EFCAB5: variants seen among roughly 807,000 people sequenced by gnomAD.
EFCAB5 encodes EF-hand calcium binding domain 5.
A neutral mutation model predicts 167.9 loss-of-function variants in EFCAB5; 131 were observed. The ratio of observed to expected loss-of-function variants is 0.78; its 90% CI spans 0.68 to 0.90. EFCAB5 has a LOEUF of 0.90. Ranked by LOEUF, EFCAB5 falls within the 40% of genes least tolerant of loss-of-function variation. The probability of loss-of-function intolerance (pLI) is 0.00; values close to 1 mark genes in which losing one functional copy is unlikely to be tolerated. For synonymous variants in EFCAB5, 574 were observed against 602.8 expected, an observed-to-expected ratio of 0.95 and a Z score of 0.70; for missense variants, 1,663 against 1,745.2, an observed-to-expected ratio of 0.95 and a Z score of 0.84.
intron 22 of EFCAB5, among the ~76,000 whole-genome samples, chr17:30,105,816 G>A (rs2151863261): frequency 6.6e-6 from 1 of 152,292 alleles, no homozygotes; most frequent in East Asian, 1.9e-4. Context: ...TGGTGTGTGT[G>A]TGTGCGTGTG....
Position 30,092,835 on chromosome 17 carries a change from C to A in EFCAB5, c.4225-5C>A. 1 of 1,600,770 alleles carries A rather than the reference C, an allele frequency of 6.2e-7. No individual in the cohort carries two copies. Among genetic ancestry groups the A allele is most frequent in the South Asian group, 1.1e-5 (1 of 89,102 alleles). ...CATAAATTTTCTCTTGTTGTTTGTTCACAGTATGTTAACAAATATTTAGTC... is the reference window on the plus strand; with the variant it reads ...CATAAATTTTCTCTTGTTGTTTGTTAACAGTATGTTAACAAATATTTAGTC... On this transcript the variant is annotated splice_region_variant and splice_polypyrimidine_tract_variant and intron_variant, in intron 21 of 22. Coordinates refer to ENST00000394835, the MANE Select transcript of EFCAB5 (RefSeq NM_198529.4).
At chr17:29,943,180 C>T (rs1419333664) in intron 2 of EFCAB5, among the ~76,000 whole-genome samples, 1 of 152,028 alleles carries the variant, frequency 6.6e-6, no homozygotes, top group African/African-American at 2.4e-5. Context: ...GCCACAAATA[C>T]AGAAAGTGAT....
intron 1 of EFCAB5, among the ~76,000 whole-genome samples, chr17:29,935,775 A>G (rs2067240111): frequency 6.6e-6 from 1 of 151,986 alleles, no homozygotes; most frequent in Non-Finnish European, 1.5e-5. Flanking sequence ...AAATTTAGAA[A>G]TTTAGAGGAT....
chr17:29,982,789 A>G (rs1251592266), intron 4 of EFCAB5, among the ~76,000 whole-genome samples: 2 of 152,220 alleles, frequency 1.3e-5, no homozygotes, highest in Non-Finnish European at 2.9e-5. Flanking sequence ...TTGATGTAAT[A>G]CAACTTTCAC....
intron 3 of EFCAB5, among the ~76,000 whole-genome samples, chr17:29,960,312 T>C (rs1017767866): frequency 5.3e-5 from 8 of 152,202 alleles, no homozygotes; most frequent in Admixed American, 4.6e-4. Flanking sequence ...ACCTGATTTT[T>C]GGTTCTTATG....
In EFCAB5 at chr17:30,098,619, T is replaced by C. The variant is rs1255820248; in HGVS notation, c.4321+5683T>C. ...GCTACAGGACTGCTGCCACCACACC[T>C]GGCTTTCCATTGTCTTTTTTAAAAA... is the stretch of plus-strand genomic sequence containing the variant. On this transcript the variant is annotated intron_variant, in intron 22 of 22. Transcript: ENST00000394835. 2.0e-5 allele frequency among the ~76,000 whole-genome samples: 3 copies of C among 152,092 alleles called. No homozygotes were observed. The East Asian group carries it at 5.8e-4, about 29-fold the overall frequency.
intron 3 of EFCAB5, among the ~76,000 whole-genome samples, chr17:29,959,074 C>G (rs2151554455): frequency 6.6e-6 from 1 of 152,312 alleles, no homozygotes; most frequent in African/African-American, 2.4e-5. Context: ...TGGCCACCAT[C>G]ACTGGGACTG....
At chr17:29,941,944 T>A in intron 1 of EFCAB5, 106 bp downstream of exon 1, 2 of 1,240,636 alleles carry the variant, frequency 1.6e-6, no homozygotes, top group East Asian at 2.6e-5. Context: ...ATTATTTCTC[T>A]TTTTGGTTGA....
At position 30,095,231 on chromosome 17, in the gene EFCAB5, A is replaced by G. The variant is rs546484889; in HGVS notation, c.4321+2295A>G. On this transcript the variant is annotated intron_variant, in intron 22 of 22. Coordinates refer to ENST00000394835, the MANE Select transcript of EFCAB5 (RefSeq NM_198529.4). ...ACCTGGGTCTCTGCCAAGTGACCAT[A>G]CCTCCTCCCCTAAATCCAAGTGTTT... is the stretch of plus-strand genomic sequence containing the variant. 2.0e-5 allele frequency among the ~76,000 whole-genome samples: 3 copies of G among 152,146 alleles called. No homozygotes were observed. In the South Asian group the frequency reaches 6.2e-4, roughly 32 times the overall value.
Position 29,969,322 on chromosome 17 carries a change from T to G in EFCAB5, c.722T>G (p.Val241Gly), listed in dbSNP as rs1031314538. 4 of 1,609,904 alleles carry G rather than the reference T, an allele frequency of 2.5e-6. No individual in the cohort carries two copies. In the African/African-American group the frequency reaches 5.4e-5, roughly 22 times the overall value. Residue 241 changes from valine (V) to glycine (G), a missense_variant, in exon 4 of 23, where the codon GTC (valine) becomes GGC (glycine). Coordinates refer to ENST00000394835, the MANE Select transcript of EFCAB5 (RefSeq NM_198529.4). ...GGTTACCAGAGGTTGATGAAAGAAG[T>G]CACAGAAGACCTGAAGATATATGTT... ...MSGYQRLMKEVTEDLKIYVPD... is the reference protein window; with the variant it reads ...MSGYQRLMKEGTEDLKIYVPD...
chr17:29,937,849 A>AT (rs2067258935), upstream of EFCAB5, among the ~76,000 whole-genome samples: 1 of 152,196 alleles, frequency 6.6e-6, no homozygotes, highest in Non-Finnish European at 1.5e-5. Flanking sequence ...CTGAAGTGGT[A>AT]TTTTGGATCC....
chr17:30,027,612 G>A (rs983622493), intron 7 of EFCAB5, among the ~76,000 whole-genome samples: 3 of 152,118 alleles, frequency 2.0e-5, no homozygotes, highest in East Asian at 1.9e-4. Flanking sequence ...TTATACCATC[G>A]GCATGCATCG....
intron 7 of EFCAB5, among the ~76,000 whole-genome samples, chr17:30,008,499 G>A (rs576102512): frequency 5.1e-4 from 77 of 152,146 alleles, no homozygotes; most frequent in African/African-American, 1.8e-3. Context: ...GGCTGAGGCA[G>A]GAGAATCACT....
chr17:29,978,530 T>C (rs2068106340), intron 4 of EFCAB5, among the ~76,000 whole-genome samples: 1 of 152,206 alleles, frequency 6.6e-6, no homozygotes, highest in Admixed American at 6.5e-5. Context: ...ATGGTCTCCC[T>C]GGATGACATC....
At chr17:30,023,798 C>A (rs1255437721) in intron 7 of EFCAB5, among the ~76,000 whole-genome samples, 1 of 152,126 alleles carries the variant, frequency 6.6e-6, no homozygotes, top group Non-Finnish European at 1.5e-5. Flanking sequence ...TACTGGCAAA[C>A]CGAATCCAGC....
intron 1 of EFCAB5, chr17:29,930,150 C>A: frequency 1.4e-6 from 1 of 706,552 alleles, no homozygotes; most frequent in South Asian, 1.8e-5. Flanking sequence ...CCGCAGACTC[C>A]GCACCCACCA....
chr17:29,937,835 T>C (rs540765635), upstream of EFCAB5, among the ~76,000 whole-genome samples: 4 of 152,340 alleles, frequency 2.6e-5, no homozygotes, highest in East Asian at 5.8e-4. Flanking sequence ...CTTAACCTTA[T>C]GGACTGAAGT....
chr17:30,106,359 CAT>C (rs1202869425), intron 22 of EFCAB5, among the ~76,000 whole-genome samples: 1 of 151,812 alleles, frequency 6.6e-6, no homozygotes, highest in Non-Finnish European at 1.5e-5. Context: ...AATCAGCAAA[CAT>C]GTATTGGGTT....
chr17:30,021,891 T>C (rs2069188186), intron 7 of EFCAB5, among the ~76,000 whole-genome samples: 4 of 152,126 alleles, frequency 2.6e-5, no homozygotes, highest in Admixed American at 2.6e-4. Flanking sequence ...TACACACAGG[T>C]GCCGCCTAGT....
Sources: gnomAD v4.1 joint callset for allele counts (sites outside exome capture counted in the v4.1 genomes callset) on GRCh38, gnomAD v4.1.1 for gene constraint, MANE v1.5 for transcripts, NCBI Gene and HGNC (gene_info 2026-07-23, HGNC 2026-07-21) for gene names.